The following SATL1 variants were observed in gnomAD, a reference collection of about 807,000 sequenced individuals.
SATL1 encodes the protein spermidine/spermine N1-acetyl transferase like 1.
Under a neutral mutation model 51.8 loss-of-function variants are expected in SATL1, and 47 were observed. The ratio of observed to expected loss-of-function variants is 0.91; its 90% CI spans 0.72 to 1.16. The LOEUF (loss-of-function observed/expected upper bound fraction) is 1.16. Among genes scored for constraint, SATL1 ranks in the 50% most tolerant of loss-of-function variants. The pLI, the probability that SATL1 is intolerant of heterozygous loss-of-function variation, is 0.00. For missense variants in SATL1, 520 were observed against 526.4 expected, an observed-to-expected ratio of 0.99 and a Z score of 0.12; for synonymous variants, 176 against 182.4, an observed-to-expected ratio of 0.97 and a Z score of 0.28.
At chrX:85,106,655 G>A (rs188063959) in intron 3 of SATL1, among the ~76,000 whole-genome samples, 10 of 111,605 alleles carry the variant, frequency 9.0e-5, no homozygotes, top group Admixed American at 8.6e-4. Flanking sequence ...CAGTAACTGT[G>A]ACTACTAGAT....
At chrX:85,184,667 G>C (rs953530811) in intron 2 of SATL1, among the ~76,000 whole-genome samples, 3 of 111,978 alleles carry the variant, frequency 2.7e-5, no homozygotes, top group Non-Finnish European at 3.8e-5. Flanking sequence ...ATGTCTGCTT[G>C]ATTCTTTTAA....
chrX:85,186,134 T>TG (rs1194235464), intron 2 of SATL1, among the ~76,000 whole-genome samples: 1 of 109,255 alleles, frequency 9.2e-6, no homozygotes, highest in Non-Finnish European at 1.9e-5. Context: ...GGGCTTGAAA[T>TG]GGGGGCCCCT....
At chrX:85,176,672 T>C (rs1429856262) in intron 2 of SATL1, among the ~76,000 whole-genome samples, 1 of 111,438 alleles carries the variant, frequency 9.0e-6, no homozygotes, top group Non-Finnish European at 1.9e-5. Context: ...ACATATTTGT[T>C]TACATTTATA....
At chrX:85,097,665 A>G (rs963495759) in intron 4 of SATL1, among the ~76,000 whole-genome samples, 3 of 112,060 alleles carry the variant, frequency 2.7e-5, no homozygotes, top group African/African-American at 9.7e-5. Context: ...TGGGCACACA[A>G]TGTATAAAGA....
chrX:85,147,327 C>A (rs1486373144), intron 2 of SATL1, among the ~76,000 whole-genome samples: 4 of 112,401 alleles, frequency 3.6e-5, no homozygotes, highest in Non-Finnish European at 5.6e-5. Flanking sequence ...GAAGCTCCAA[C>A]TGGGTGGAGC....
chrX:85,223,252 C>T lies in SATL1; in HGVS notation c.-313+953G>A, dbSNP rs779473917. ...AAGAATGTTTTGTTAGGAATTATCC[C>T]ATTTCCTTTATCACAAAGTTTTTGC... On this transcript the variant is annotated intron_variant, in intron 2 of 7. Transcript: ENST00000644105. Among the ~76,000 whole-genome samples the T allele has an allele frequency of 6.3e-5, 7 of 111,672 alleles. No individual in the cohort carries two copies. In the South Asian group the frequency reaches 2.6e-3, roughly 42 times the overall value.
At chrX:85,100,857 A>T (rs1469155786) in intron 4 of SATL1, among the ~76,000 whole-genome samples, 1 of 112,035 alleles carries the variant, frequency 8.9e-6, no homozygotes, top group African/African-American at 3.2e-5. Context: ...AAGGACAGAC[A>T]TATAGACCAA....
intron 1 of SATL1, among the ~76,000 whole-genome samples, chrX:85,238,725 G>A (rs1928527552): frequency 9.0e-6 from 1 of 111,385 alleles, no homozygotes; most frequent in Non-Finnish European, 1.9e-5. Flanking sequence ...TAATTGGAGT[G>A]TCACACAAAG....
At chrX:85,095,105 T>C in intron 4 of SATL1, 109 bp from the exon 5 acceptor site, 1 of 490,500 alleles carries the variant, frequency 2.0e-6, no homozygotes, top group Non-Finnish European at 3.6e-6. Context: ...AGCAATTGTA[T>C]TGGCGGAAAC....
Position 85,194,691 on chromosome X carries a change from C to T in SATL1, c.-313+29514G>A, listed in dbSNP as rs1927514135. ...ATATACACCATGGAATACCATACAG[C>T]CATAAAAAAGGATGAGTTCATGTCC... On this transcript the variant is annotated intron_variant, in intron 2 of 7. Transcript: ENST00000644105. Among the ~76,000 whole-genome samples, 3 of 110,355 alleles carry T rather than the reference C, an allele frequency of 2.7e-5. No individual in the cohort carries two copies. In the Admixed American group the frequency reaches 2.9e-4, roughly 11 times the overall value.
chrX:85,242,505 C>T (rs1019234609), intron 1 of SATL1, among the ~76,000 whole-genome samples: 4 of 111,983 alleles, frequency 3.6e-5, no homozygotes, highest in Non-Finnish European at 5.6e-5. Flanking sequence ...TTTTTCACTG[C>T]GCATTAAGAT....
chrX:85,218,749 C>T (rs761490634), intron 2 of SATL1, among the ~76,000 whole-genome samples: 2 of 111,553 alleles, frequency 1.8e-5, no homozygotes, highest in Admixed American at 9.5e-5. Context: ...GAAATACTTG[C>T]TTTTCTTATG....
intron 2 of SATL1, among the ~76,000 whole-genome samples, chrX:85,143,199 C>G (rs1461079793): frequency 8.9e-6 from 1 of 112,273 alleles, no homozygotes; most frequent in African/African-American, 3.2e-5. Context: ...ACAACTCATA[C>G]ACAATTCGTG....
chrX:85,193,367 C>A (rs1276728925), intron 2 of SATL1, among the ~76,000 whole-genome samples: 1 of 110,753 alleles, frequency 9.0e-6, no homozygotes, highest in Non-Finnish European at 1.9e-5. Flanking sequence ...GCTACCCAGG[C>A]GAAGAAGAAG....
At chrX:85,137,041 G>C (rs910829130) in intron 2 of SATL1, among the ~76,000 whole-genome samples, 2 of 111,782 alleles carry the variant, frequency 1.8e-5, no homozygotes, top group Non-Finnish European at 3.8e-5. Flanking sequence ...ATTCAGAAAA[G>C]AGGGGAATAA....
At chrX:85,198,741 T>C (rs1927628444) in intron 2 of SATL1, among the ~76,000 whole-genome samples, 1 of 111,378 alleles carries the variant, frequency 9.0e-6, no homozygotes, top group African/African-American at 3.3e-5. Flanking sequence ...TCCTTTGTAT[T>C]ACAAACAATT....
intron 2 of SATL1, among the ~76,000 whole-genome samples, chrX:85,135,782 G>C: frequency 9.4e-6 from 1 of 106,745 alleles, no homozygotes; most frequent in Non-Finnish European, 1.9e-5. Flanking sequence ...GTTTCACCAT[G>C]TTGCTCAGGC....
At chrX:85,127,013 G>A (rs763835303) in intron 2 of SATL1, among the ~76,000 whole-genome samples, 3 of 110,526 alleles carry the variant, frequency 2.7e-5, no homozygotes, top group South Asian at 3.9e-4. Context: ...CCTTGAAGTC[G>A]GCCATCATAT....
chrX:85,179,493 T>A (rs1180699874), intron 2 of SATL1, among the ~76,000 whole-genome samples: 8 of 111,725 alleles, frequency 7.2e-5, no homozygotes, highest in African/African-American at 2.6e-4. Context: ...TTACTTGATT[T>A]ATTTAATCAG....
Sources: gnomAD v4.1 joint callset for allele counts (sites outside exome capture counted in the v4.1 genomes callset) on GRCh38, gnomAD v4.1.1 for gene constraint, MANE v1.5 for transcripts, NCBI Gene and HGNC (gene_info 2026-07-23, HGNC 2026-07-21) for gene names.